The following IL3RA variants were observed in gnomAD, a reference collection of about 807,000 sequenced individuals.
IL3RA encodes interleukin 3 receptor subunit alpha.
Under a neutral mutation model 52.3 loss-of-function variants are expected in IL3RA, and 73 were observed. The observed-to-expected ratio is 1.40, with a 90% CI of 1.16 to 1.70. The LOEUF (loss-of-function observed/expected upper bound fraction) is 1.70, where lower values mean the gene tolerates loss of function less well. Ranked by LOEUF, IL3RA falls within the 40% of genes most tolerant of loss-of-function variation. The pLI, the probability that IL3RA is intolerant of heterozygous loss-of-function variation, is 0.00. For synonymous variants in IL3RA, 260 were observed against 194.0 expected (o/e 1.34, Z -2.83); for missense variants, 664 against 504.4 (o/e 1.32, Z -3.03).
At chrX:1,349,237 A>G (rs1337986390) in intron 4 of IL3RA, among the ~76,000 whole-genome samples, 36 of 148,996 alleles carry the variant, frequency 2.4e-4, no homozygotes, top group South Asian at 4.2e-4. Context: ...GCTGGAGTGC[A>G]CTGGCGCGAT....
At chrX:1,355,315 GGGA>G (rs1248411595) in intron 6 of IL3RA, among the ~76,000 whole-genome samples, 1 of 128,382 alleles carries the variant, frequency 7.8e-6, no homozygotes, top group Non-Finnish European at 1.7e-5. Flanking sequence ...GGGGCAGGAG[GGGA>G]GGAGGAGAAA....
intron 4 of IL3RA, among the ~76,000 whole-genome samples, chrX:1,349,921 G>C (rs1659185568): frequency 1.3e-5 from 2 of 151,904 alleles, no homozygotes; most frequent in Non-Finnish European, 2.9e-5. Flanking sequence ...CAAAGTGCTG[G>C]GATGACAGGC....
intron 2 of IL3RA, among the ~76,000 whole-genome samples, chrX:1,344,956 A>T (rs2085668826): frequency 6.7e-6 from 1 of 148,854 alleles, no homozygotes; most frequent in Non-Finnish European, 1.5e-5. Context: ...AGGTCAGGAG[A>T]TCGAGACCAT....
At chrX:1,339,520 G>A (rs1329344049) in intron 1 of IL3RA, among the ~76,000 whole-genome samples, 4 of 152,186 alleles carry the variant, frequency 2.6e-5, no homozygotes, top group East Asian at 1.9e-4. Context: ...TAGGCCGGGC[G>A]CGGTGGCTCA....
At chrX:1,382,114 G>T (rs1311994695) in intron 11 of IL3RA, among the ~76,000 whole-genome samples, 1 of 151,474 alleles carries the variant, frequency 6.6e-6, no homozygotes, top group Non-Finnish European at 1.5e-5. Flanking sequence ...AACACACCCA[G>T]CTAATTCTGC....
At chrX:1,363,648 AT>A in intron 8 of IL3RA, among the ~76,000 whole-genome samples, 1 of 151,776 alleles carries the variant, frequency 6.6e-6, no homozygotes, top group East Asian at 2.0e-4. Context: ...CAACATATGA[AT>A]TTTGGGGGAT....
chrX:1,377,092 A>G (rs1261000649), intron 9 of IL3RA, among the ~76,000 whole-genome samples: 1 of 107,634 alleles, frequency 9.3e-6, no homozygotes, highest in African/African-American at 4.5e-5. Flanking sequence ...CCAAGGGACA[A>G]CCCTGTGGGA....
chrX:1,356,317 A>G lies in IL3RA; in HGVS notation c.713A>G (p.Tyr238Cys), dbSNP rs765077905. 6.2e-7 allele frequency: 1 copy of G among 1,611,052 alleles called. No homozygotes were observed. Among genetic ancestry groups the G allele is most frequent in the Non-Finnish European group, 8.5e-7 (1 of 1,177,464 alleles). ...MRSHFNRKFR[Y>C]ELQIQKRMQP... ...AGTCATTTCAATCGCAAATTTCGCT[A>G]TGAGCTTCAGATACAAAAGGTAAAC... The change falls in exon 7 of 12, where the codon TAT (tyrosine) becomes TGT (cysteine). Residue 238 changes from tyrosine to cysteine, a missense_variant. Physicochemically the swap from Tyr to Cys is radical, Grantham distance 194 (BLOSUM62 -2). Transcript: ENST00000331035.
At chrX:1,343,454 C>G (rs1603442974) in intron 2 of IL3RA, among the ~76,000 whole-genome samples, 1 of 151,612 alleles carries the variant, frequency 6.6e-6, no homozygotes, top group Non-Finnish European at 1.5e-5. Flanking sequence ...CACTTGAGGT[C>G]AGGAGTTCAA....
At chrX:1,353,216 T>TTCC (rs1163992144) in intron 6 of IL3RA, among the ~76,000 whole-genome samples, 6 of 68,226 alleles carry the variant, frequency 8.8e-5, no homozygotes, top group African/African-American at 1.8e-4. Flanking sequence ...CCATCATGGG[T>TTCC]AATAGGACCC....
Position 1,363,915 on chromosome X carries a change from G to A in IL3RA, c.760-1223G>A, listed in dbSNP as rs2087701338. Among the ~76,000 whole-genome samples, 14 of 152,104 alleles carry A rather than the reference G, an allele frequency of 9.2e-5. 1 individual carries two copies. In the South Asian group the frequency reaches 2.9e-3, roughly 32 times the overall value. Reference sequence around the variant, plus strand: ...AAAAAAAATTTGGCTGGGCGCGGTGGCTCACGCTGGTAATCCCAGCCCTTT... The same window carrying A: ...AAAAAAAATTTGGCTGGGCGCGGTGACTCACGCTGGTAATCCCAGCCCTTT... On this transcript the variant is annotated intron_variant, in intron 8 of 11. Transcript: ENST00000331035.
intron 8 of IL3RA, among the ~76,000 whole-genome samples, chrX:1,363,502 G>GTATTAGCCAGGA (rs1352187497): frequency 6.6e-6 from 1 of 150,952 alleles, no homozygotes; most frequent in Non-Finnish European, 1.5e-5. Context: ...GGGTTTCACT[G>GTATTAGCCAGGA]TGGTCTCGAT....
intron 9 of IL3RA, among the ~76,000 whole-genome samples, chrX:1,367,812 G>T (rs1394056326): frequency 1.2e-4 from 18 of 147,196 alleles, no homozygotes; most frequent in Admixed American, 1.1e-3. Flanking sequence ...GGTGAGCGGG[G>T]TGCGCGGGGT....
intron 2 of IL3RA, among the ~76,000 whole-genome samples, chrX:1,344,044 T>C (rs1433251342): frequency 6.6e-6 from 1 of 152,036 alleles, no homozygotes; most frequent in African/African-American, 2.4e-5. Context: ...TCCGCCCACC[T>C]TGGCCTCCCA....
intron 4 of IL3RA, among the ~76,000 whole-genome samples, chrX:1,349,460 G>T (rs1357216030): frequency 6.6e-6 from 1 of 151,848 alleles, no homozygotes; most frequent in Middle Eastern, 3.4e-3. Context: ...GAGTACAGGG[G>T]TGAGCCACCG....
chrX:1,343,056 C>CA (rs1480065283), intron 2 of IL3RA, among the ~76,000 whole-genome samples: 1 of 151,772 alleles, frequency 6.6e-6, no homozygotes, highest in Non-Finnish European at 1.5e-5. Context: ...GCCTGGGCGA[C>CA]AGAGTGAGAC....
chrX:1,342,058 G>A lies in IL3RA; in HGVS notation c.64+229G>A, dbSNP rs7880322. ...CGACCTCACAGGCAGGGACCTGATC[G>A]TGACACAGATGCCATGTGAGGTGTT... On this transcript the variant is annotated intron_variant, in intron 2 of 11. Transcript: ENST00000331035. 4.8e-3 allele frequency among the ~76,000 whole-genome samples: 728 copies of A among 152,230 alleles called. 11 individuals are homozygous for A. Among genetic ancestry groups the A allele is most frequent in the African/African-American group, 0.016 (664 of 41,548 alleles).
chrX:1,379,526 T>C (rs2089028247), intron 10 of IL3RA, among the ~76,000 whole-genome samples: 1 of 152,198 alleles, frequency 6.6e-6, no homozygotes, highest in South Asian at 2.1e-4. Context: ...AGGAGGTCTG[T>C]AGAGCCAAAG....
intron 3 of IL3RA, among the ~76,000 whole-genome samples, chrX:1,347,850 A>C (rs1327358622): frequency 6.7e-6 from 1 of 149,736 alleles, no homozygotes; most frequent in East Asian, 2.0e-4. Context: ...CCTCCTGGCT[A>C]ACACGGTGAA....
Sources: allele counts gnomAD v4.1 joint callset (sites outside exome capture counted in the v4.1 genomes callset), GRCh38; gene constraint gnomAD v4.1.1; transcripts MANE v1.5; gene names NCBI Gene and HGNC (gene_info 2026-07-23, HGNC 2026-07-21).